CNTN4: variants seen among roughly 807,000 people sequenced by gnomAD.
The protein encoded by CNTN4 is contactin 4.
Under a neutral mutation model 122.5 loss-of-function variants are expected in CNTN4, and 77 were observed. That is an observed-to-expected ratio of 0.63 (90% CI 0.52 to 0.76). The LOEUF (loss-of-function observed/expected upper bound fraction) is 0.76. CNTN4 is among the 30% of genes least tolerant of loss of function. The pLI is 0.00. For missense variants in CNTN4, 1,256 were observed against 1,259.1 expected, an observed-to-expected ratio of 1.00 and a Z score of 0.04; for synonymous variants, 512 against 447.0, an observed-to-expected ratio of 1.15 and a Z score of -1.83.
At chr3:3,037,387 G>A in intron 18 of CNTN4, 59 bp downstream of exon 18, 1 of 1,610,816 alleles carries the variant, frequency 6.2e-7, no homozygotes, top group Non-Finnish European at 8.5e-7. Context: ...CTTAGGAAAA[G>A]CGTTTGAATT....
intron 3 of CNTN4, among the ~76,000 whole-genome samples, chr3:2,515,737 A>G (rs1421351462): frequency 1.3e-5 from 2 of 152,146 alleles, no homozygotes; most frequent in Non-Finnish European, 2.9e-5. Flanking sequence ...CAACTTGTGA[A>G]TACACTTCAT....
At chr3:2,329,460 G>T (rs962396685) in intron 2 of CNTN4, among the ~76,000 whole-genome samples, 2 of 152,154 alleles carry the variant, frequency 1.3e-5, no homozygotes, top group Non-Finnish European at 2.9e-5. Context: ...AGAAAGCCAG[G>T]TCATGCTTTA....
At chr3:2,545,278 C>A (rs2078197259) in intron 3 of CNTN4, among the ~76,000 whole-genome samples, 1 of 151,998 alleles carries the variant, frequency 6.6e-6, no homozygotes, top group African/African-American at 2.4e-5. Context: ...TGTTTTATGT[C>A]CAATTGTGTG....
intron 3 of CNTN4, among the ~76,000 whole-genome samples, chr3:2,501,694 G>T (rs181057759): frequency 7.8e-4 from 118 of 151,866 alleles, no homozygotes; most frequent in Middle Eastern, 3.4e-3. Flanking sequence ...GATTATATTG[G>T]GCCCACCCAT....
At position 3,057,949 on chromosome 3, in the gene CNTN4, T is replaced by A. The variant is rs905344268; in HGVS notation, c.*1729T>A. On this transcript the variant is annotated 3_prime_UTR_variant, in exon 25 of 25. Coordinates refer to ENST00000418658, the MANE Select transcript of CNTN4 (RefSeq NM_175607.3). Reference sequence around the variant, plus strand: ...AAAGGTATTGTTAATAAATATTCTGTCATTTGTAAAGATACTTGTCTTTCG... The same window carrying A: ...AAAGGTATTGTTAATAAATATTCTGACATTTGTAAAGATACTTGTCTTTCG... 2 of 152,328 alleles carry A rather than the reference T, an allele frequency of 1.3e-5. No homozygotes were observed. Among genetic ancestry groups the A allele is most frequent in the African/African-American group, 4.8e-5 (2 of 41,450 alleles). The allele number at this position is 152,328 out of a possible 1,614,324, so 9.4% of individuals were successfully genotyped here. A position where few individuals can be genotyped will look rare whatever the true frequency, so the allele number is the denominator to read the frequency against.
chr3:2,587,183 A>C (rs1559272719), intron 4 of CNTN4, among the ~76,000 whole-genome samples: 1 of 152,180 alleles, frequency 6.6e-6, no homozygotes, highest in East Asian at 1.9e-4. Context: ...TTCTCTAACA[A>C]AGTCTTTCCT....
At chr3:2,168,848 C>T (rs1333593911) in intron 2 of CNTN4, among the ~76,000 whole-genome samples, 1 of 152,048 alleles carries the variant, frequency 6.6e-6, no homozygotes, top group African/African-American at 2.4e-5. Flanking sequence ...AAAGAAAGAA[C>T]CACTTTGTTT....
At chr3:2,173,738 A>G (rs1439511898) in intron 2 of CNTN4, among the ~76,000 whole-genome samples, 1 of 152,190 alleles carries the variant, frequency 6.6e-6, no homozygotes, top group African/African-American at 2.4e-5. Flanking sequence ...TTAAATAGAA[A>G]TAATAATAAT....
chr3:3,009,545 T>C (rs567577581), intron 14 of CNTN4, among the ~76,000 whole-genome samples: 41 of 151,106 alleles, frequency 2.7e-4, no homozygotes, highest in South Asian at 1.3e-3. Flanking sequence ...GCCATTCTCC[T>C]GCCTCAGCTT....
At chr3:2,367,452 A>G (rs1446308035) in intron 3 of CNTN4, among the ~76,000 whole-genome samples, 1 of 152,226 alleles carries the variant, frequency 6.6e-6, no homozygotes, top group East Asian at 1.9e-4. Context: ...GTTACGGTGT[A>G]CAGTGGATAA....
At chr3:3,037,085 G>A (rs1699678014) in intron 17 of CNTN4, 94 bp from the exon 18 acceptor site, 2 of 1,389,054 alleles carry the variant, frequency 1.4e-6, no homozygotes, top group East Asian at 2.3e-5. Flanking sequence ...CAATAATGAT[G>A]AGGATGGATG....
chr3:2,514,302 A>G (rs184880600), intron 3 of CNTN4, among the ~76,000 whole-genome samples: 14 of 152,184 alleles, frequency 9.2e-5, no homozygotes, highest in African/African-American at 3.4e-4. Context: ...CTGTGAAGCA[A>G]GGAATGCAGT....
intron 6 of CNTN4, among the ~76,000 whole-genome samples, chr3:2,774,294 A>C (rs1360084916): frequency 6.6e-6 from 1 of 151,694 alleles, no homozygotes; most frequent in South Asian, 2.1e-4. Flanking sequence ...AAGAAAAGAT[A>C]TGTCAGCTGC....
Position 2,883,231 on chromosome 3 carries a change from T to A in CNTN4, c.739T>A (p.Cys247Ser), listed in dbSNP as rs774321738. The A allele has an allele frequency of 3.1e-6, 5 of 1,613,528 alleles. No homozygotes were observed. The highest frequency in any genetic ancestry group is 4.2e-6 in the Non-Finnish European group (5 of 1,179,650). The change falls in exon 9 of 25, where the codon TGC becomes AGC. Residue 247 changes from cysteine to serine, a missense_variant. By Grantham distance (112) the Cys-to-Ser change is moderately radical (BLOSUM62 -1). Transcript: ENST00000418658. ...AAAAGGAGCAACGGTGAAGCTGGAATGCTTTGCTTTAGGAAAGTAAGTTCT... is the reference window on the plus strand; with the variant it reads ...AAAAGGAGCAACGGTGAAGCTGGAAAGCTTTGCTTTAGGAAAGTAAGTTCT... Reference protein sequence around the residue: ...TAKGATVKLECFALGNPVPTI... With the variant: ...TAKGATVKLESFALGNPVPTI...
chr3:2,562,891 C>A (rs73108593), intron 3 of CNTN4, among the ~76,000 whole-genome samples: 1 of 151,644 alleles, frequency 6.6e-6, no homozygotes, highest in Non-Finnish European at 1.5e-5. Flanking sequence ...GGCTGGCTAA[C>A]TTTTAAATTT....
chr3:2,539,902 A>C (rs185913325), intron 3 of CNTN4, among the ~76,000 whole-genome samples: 1 of 151,844 alleles, frequency 6.6e-6, no homozygotes, highest in Non-Finnish European at 1.5e-5. Context: ...TGATTACTCA[A>C]CTCTTGCAGT....
chr3:2,529,052 A>G lies in CNTN4; in HGVS notation c.-88-42364A>G, dbSNP rs984511387. Among the ~76,000 whole-genome samples, 8 of 152,092 alleles carry G rather than the reference A, an allele frequency of 5.3e-5. No homozygotes were observed. The South Asian group carries it at 1.2e-3, about 24-fold the overall frequency. On this transcript the variant is annotated intron_variant, in intron 3 of 24. Coordinates refer to ENST00000418658, the MANE Select transcript of CNTN4 (RefSeq NM_175607.3). ...TGCTATGGAACAGTACAACTGATTTATCCTATCTGCCTAGAATTTTGTATC... is the reference window on the plus strand; with the variant it reads ...TGCTATGGAACAGTACAACTGATTTGTCCTATCTGCCTAGAATTTTGTATC...
At chr3:2,318,941 G>C (rs574630137) in intron 2 of CNTN4, among the ~76,000 whole-genome samples, 10 of 152,276 alleles carry the variant, frequency 6.6e-5, no homozygotes, top group Middle Eastern at 3.4e-3. Flanking sequence ...TCCCCAAAAC[G>C]CCCAAGGTTT....
intron 8 of CNTN4, among the ~76,000 whole-genome samples, chr3:2,881,757 T>G (rs1042797696): frequency 1.1e-4 from 15 of 135,330 alleles, no homozygotes; most frequent in Non-Finnish European, 1.9e-4. Flanking sequence ...AAATCATTTC[T>G]CTTTGTGATT....
Sources: allele counts gnomAD v4.1 joint callset (sites outside exome capture counted in the v4.1 genomes callset), GRCh38; gene constraint gnomAD v4.1.1; transcripts MANE v1.5; gene names NCBI Gene and HGNC (gene_info 2026-07-23, HGNC 2026-07-21).